Variants in CCDC3 observed in about 807,000 individuals in gnomAD.
CCDC3 encodes coiled-coil domain-containing protein 3.
A neutral mutation model predicts 21.4 loss-of-function variants in CCDC3; 24 were observed. The ratio of observed to expected loss-of-function variants is 1.12; its 90% CI spans 0.81 to 1.58. The LOEUF (loss-of-function observed/expected upper bound fraction) is 1.58, where lower values mean the gene tolerates loss of function less well. Among genes scored for constraint, CCDC3 ranks in the 40% most tolerant of loss-of-function variants. The probability of loss-of-function intolerance (pLI) is 0.00; values close to 1 mark genes in which losing one functional copy is unlikely to be tolerated. For synonymous variants in CCDC3, 186 were observed against 166.0 expected (o/e 1.12, Z -0.93); for missense variants, 425 against 360.9 (o/e 1.18, Z -1.44).
intron 2 of CCDC3, among the ~76,000 whole-genome samples, chr10:12,981,040 C>A (rs992326840): frequency 6.7e-6 from 1 of 148,650 alleles, no homozygotes; most frequent in Non-Finnish European, 1.5e-5. Context: ...GAAGATTAGA[C>A]TTTTTTTTTT....
chr10:13,034,342 G>A (rs1363014306), intron 5 of CCDC3, among the ~76,000 whole-genome samples: 3 of 139,516 alleles, frequency 2.2e-5, no homozygotes, highest in Non-Finnish European at 4.7e-5. Flanking sequence ...GGGCCTGTTG[G>A]GGGGTGGGGG....
rs879521468 is a variant in CCDC3 at position 13,035,047 on chromosome 10, T to TA, written c.-2+14626dup. 2.9e-3 allele frequency among the ~76,000 whole-genome samples: 401 copies of TA among 139,332 alleles called. 1 individual carries two copies. The highest frequency in any genetic ancestry group is 4.6e-3 in the Non-Finnish European group (289 of 62,902). 91.4% of individuals were successfully genotyped at this position (139,332 alleles called of 152,430 possible). A position where few individuals can be genotyped will look rare whatever the true frequency, so the allele number is the denominator to read the frequency against. On this transcript the variant is annotated intron_variant, in intron 5 of 6. Coordinates refer to the CCDC3 transcript ENST00000378839. ...TCTCAAAAAATTAAAAAAAAAAAAT[T>TA]AAAAAAAAAAGAGGAAAAGAAAAAC... is the stretch of plus-strand genomic sequence containing the variant.
intron 3 of CCDC3, among the ~76,000 whole-genome samples, chr10:13,074,313 A>T (rs1251424685): frequency 6.9e-6 from 1 of 144,404 alleles, no homozygotes; most frequent in Non-Finnish European, 1.5e-5. Flanking sequence ...ATGCACCACC[A>T]TATCCCGGCT....
Position 12,896,678 on chromosome 10 carries a change from T to G in CCDC3, c.*1738A>C, listed in dbSNP as rs1282121249. 6.5e-6 allele frequency: 1 copy of G among 152,708 alleles called. No homozygotes were observed. The highest frequency in any genetic ancestry group is 6.5e-5 in the Admixed American group (1 of 15,286). The allele number at this position is 152,708 out of a possible 1,614,324, so 9.5% of individuals were successfully genotyped here. On this transcript the variant is annotated 3_prime_UTR_variant, in exon 3 of 3. Coordinates refer to ENST00000378825, the MANE Select transcript of CCDC3 (RefSeq NM_031455.4). ...TTGGAAAAGCAGAACAGTATGCACC[T>G]GTAGGGGTGTAGCTTCCATGGTTCT...
intron 2 of CCDC3, among the ~76,000 whole-genome samples, chr10:12,962,650 G>A (rs1835197649): frequency 6.6e-6 from 1 of 152,128 alleles, no homozygotes. Context: ...ATTTCGAACG[G>A]CTTACAACTG....
intron 2 of CCDC3, among the ~76,000 whole-genome samples, chr10:12,909,775 T>G (rs1169575348): frequency 1.3e-5 from 2 of 152,182 alleles, no homozygotes; most frequent in African/African-American, 4.8e-5. Flanking sequence ...TCCTGCTCCC[T>G]CCCCACTGGT....
chr10:12,931,738 C>G (rs1268105191), intron 2 of CCDC3, among the ~76,000 whole-genome samples: 3 of 152,146 alleles, frequency 2.0e-5, no homozygotes, highest in Non-Finnish European at 4.4e-5. Context: ...TTACTGTTTT[C>G]TATAACAGAA....
chr10:12,997,929 T>G (rs1835787424), intron 2 of CCDC3, among the ~76,000 whole-genome samples: 1 of 152,112 alleles, frequency 6.6e-6, no homozygotes, highest in South Asian at 2.1e-4. Context: ...AAAAAAAAAT[T>G]GCAGAAAAAT....
At chr10:12,930,256 A>G (rs1834618316) in intron 2 of CCDC3, among the ~76,000 whole-genome samples, 1 of 151,334 alleles carries the variant, frequency 6.6e-6, no homozygotes, top group Non-Finnish European at 1.5e-5. Flanking sequence ...ATATTTTTAC[A>G]TTTCTTTTCT....
At chr10:12,927,018 A>G (rs1187363245) in intron 2 of CCDC3, among the ~76,000 whole-genome samples, 1 of 152,210 alleles carries the variant, frequency 6.6e-6, no homozygotes, top group African/African-American at 2.4e-5. Flanking sequence ...ACATTTTTAG[A>G]GTAGTATATT....
At chr10:12,977,634 T>C (rs1350384723) in intron 2 of CCDC3, among the ~76,000 whole-genome samples, 3 of 152,194 alleles carry the variant, frequency 2.0e-5, no homozygotes, top group Non-Finnish European at 2.9e-5. Context: ...GCCTTTCAAT[T>C]AATTACTGCT....
At chr10:12,966,065 C>G (rs1482804679) in intron 2 of CCDC3, among the ~76,000 whole-genome samples, 1 of 152,162 alleles carries the variant, frequency 6.6e-6, no homozygotes, top group African/African-American at 2.4e-5. Flanking sequence ...GTTCCCAAGG[C>G]TGGGCCTCAC....
chr10:13,098,908 G>T (rs1244997855), intron 2 of CCDC3, among the ~76,000 whole-genome samples: 5 of 151,640 alleles, frequency 3.3e-5, no homozygotes, highest in Non-Finnish European at 7.4e-5. Flanking sequence ...GTAGAGACAG[G>T]CTTTCACCAT....
intron 4 of CCDC3, among the ~76,000 whole-genome samples, chr10:13,061,872 G>C (rs1392804353): frequency 2.6e-5 from 4 of 152,114 alleles, no homozygotes; most frequent in Non-Finnish European, 5.9e-5. Context: ...CCTTTAGAAG[G>C]TGCTGGACTC....
intron 2 of CCDC3, among the ~76,000 whole-genome samples, chr10:12,975,074 T>A (rs1482566761): frequency 6.6e-6 from 1 of 152,194 alleles, no homozygotes; most frequent in African/African-American, 2.4e-5. Context: ...AGGAGTCTCG[T>A]CCATGCCAAA....
intron 2 of CCDC3, among the ~76,000 whole-genome samples, chr10:12,954,096 T>A (rs1835048350): frequency 6.6e-6 from 1 of 152,160 alleles, no homozygotes; most frequent in African/African-American, 2.4e-5. Context: ...CACACTTAAC[T>A]CAGAGGCCAC....
At position 12,905,811 on chromosome 10, in the gene CCDC3, C is replaced by T. The variant is rs1703337293; in HGVS notation, c.550-7132G>A. Among the ~76,000 whole-genome samples, 8 of 152,220 alleles carry T rather than the reference C, an allele frequency of 5.3e-5. No individual in the cohort carries two copies. In the South Asian group the frequency reaches 1.7e-3, roughly 32 times the overall value. The stretch of plus-strand genomic sequence containing the variant: ...TGCCCTGCTTGGGAACATCAACTGT[C>T]AGTGTGGATAAGGGTCTGCAGGGGA... On this transcript the variant is annotated intron_variant, in intron 2 of 2. Coordinates refer to ENST00000378825, the MANE Select transcript of CCDC3 (RefSeq NM_031455.4).
chr10:13,093,589 C>A (rs1832601021), intron 3 of CCDC3, among the ~76,000 whole-genome samples: 1 of 152,034 alleles, frequency 6.6e-6, no homozygotes. Flanking sequence ...TAATTTTTTT[C>A]AAGCTGGAGA....
intron 2 of CCDC3, among the ~76,000 whole-genome samples, chr10:12,984,839 G>A (rs996657853): frequency 7.2e-5 from 11 of 152,148 alleles, no homozygotes; most frequent in Admixed American, 3.9e-4. Context: ...TATATGAGAC[G>A]TCCAGAGTAG....
Sources: gnomAD v4.1 joint callset for allele counts (sites outside exome capture counted in the v4.1 genomes callset) on GRCh38, gnomAD v4.1.1 for gene constraint, MANE v1.5 for transcripts, NCBI Gene and HGNC (gene_info 2026-07-23, HGNC 2026-07-21) for gene names.